Variants in SLC39A11 observed in about 807,000 individuals in gnomAD.
SLC39A11 encodes the protein solute carrier family 39 member 11.
A neutral mutation model predicts 36.1 loss-of-function variants in SLC39A11; 33 were observed. The ratio of observed to expected loss-of-function variants is 0.91; its 90% CI spans 0.69 to 1.22. The LOEUF is 1.22. Ranked by LOEUF, SLC39A11 falls within the 50% of genes most tolerant of loss-of-function variation. The pLI, the probability that SLC39A11 is intolerant of heterozygous loss-of-function variation, is 0.00. For synonymous variants in SLC39A11, 166 were observed against 170.3 expected, an observed-to-expected ratio of 0.97 and a Z score of 0.20; for missense variants, 432 against 430.3, an observed-to-expected ratio of 1.00 and a Z score of -0.03.
intron 3 of SLC39A11, among the ~76,000 whole-genome samples, chr17:73,054,594 G>A (rs2059609588): frequency 6.6e-6 from 1 of 151,924 alleles, no homozygotes; most frequent in East Asian, 1.9e-4. Context: ...GATCACTTGA[G>A]GTCAGGAGTT....
intron 7 of SLC39A11, among the ~76,000 whole-genome samples, chr17:72,731,216 T>C (rs11077629): frequency 0.34 from 52,426 of 152,170 alleles, 9,433 homozygotes; most frequent in Non-Finnish European, 0.38. Context: ...CTTGGCACTT[T>C]GAAGACAGCA....
At chr17:72,989,339 T>G (rs1185117731) in intron 4 of SLC39A11, among the ~76,000 whole-genome samples, 1 of 152,244 alleles carries the variant, frequency 6.6e-6, no homozygotes, top group Admixed American at 6.5e-5. Flanking sequence ...TGTTTGATCC[T>G]TTTATTTGCA....
intron 4 of SLC39A11, among the ~76,000 whole-genome samples, chr17:72,986,273 C>T (rs1230899257): frequency 6.6e-6 from 1 of 152,190 alleles, no homozygotes; most frequent in Non-Finnish European, 1.5e-5. Context: ...AGCCAGGACA[C>T]CCTAGTCACA....
At chr17:72,718,688 G>A (rs2073516798) in intron 7 of SLC39A11, among the ~76,000 whole-genome samples, 2 of 152,328 alleles carry the variant, frequency 1.3e-5, no homozygotes, top group Admixed American at 6.5e-5. Context: ...GGGACAGAAA[G>A]TACAATGGCA....
chr17:72,867,738 G>A (rs2080373529), intron 5 of SLC39A11, among the ~76,000 whole-genome samples: 1 of 150,004 alleles, frequency 6.7e-6, no homozygotes, highest in South Asian at 2.1e-4. Context: ...ACAGCCCCTG[G>A]TGTGTTGAAT....
At chr17:72,723,695 C>T (rs917111922) in intron 7 of SLC39A11, among the ~76,000 whole-genome samples, 6 of 152,126 alleles carry the variant, frequency 3.9e-5, no homozygotes, top group Non-Finnish European at 4.4e-5. Context: ...GAAAGTGGGT[C>T]GTAAAAGTCT....
chr17:72,897,846 A>G (rs1185996485), intron 5 of SLC39A11, among the ~76,000 whole-genome samples: 1 of 152,164 alleles, frequency 6.6e-6, no homozygotes, highest in African/African-American at 2.4e-5. Context: ...GTTGGGAGTC[A>G]GTGGTATACT....
chr17:72,711,439 A>C (rs1432779434), intron 7 of SLC39A11, among the ~76,000 whole-genome samples: 2 of 152,222 alleles, frequency 1.3e-5, no homozygotes, highest in East Asian at 1.9e-4. Context: ...CTGTGGACCA[A>C]GGGGCTAGAG....
chr17:72,775,177 C>T (rs2076091811), intron 6 of SLC39A11, among the ~76,000 whole-genome samples: 2 of 152,222 alleles, frequency 1.3e-5, no homozygotes, highest in South Asian at 4.2e-4. Flanking sequence ...GCTAACGTAT[C>T]ACCTTCTTCT....
chr17:73,070,226 T>G (rs1176582148), intron 3 of SLC39A11, among the ~76,000 whole-genome samples: 1 of 152,034 alleles, frequency 6.6e-6, no homozygotes, highest in Non-Finnish European at 1.5e-5. Context: ...CTGACCAGTA[T>G]CCCATGACCG....
At chr17:73,074,449 C>G (rs779371914) in intron 3 of SLC39A11, among the ~76,000 whole-genome samples, 3 of 152,070 alleles carry the variant, frequency 2.0e-5, no homozygotes, top group African/African-American at 7.2e-5. Context: ...ATGCGCCCAC[C>G]ACCACGCCCG....
chr17:72,689,837 T>C (rs144738148), intron 7 of SLC39A11, among the ~76,000 whole-genome samples: 145 of 152,186 alleles, frequency 9.5e-4, no homozygotes, highest in African/African-American at 3.3e-3. Flanking sequence ...GACTTTTCTT[T>C]TGGGGTGATG....
intron 5 of SLC39A11, among the ~76,000 whole-genome samples, chr17:72,938,164 C>A (rs769297702): frequency 6.6e-6 from 1 of 152,110 alleles, no homozygotes; most frequent in Non-Finnish European, 1.5e-5. Context: ...GGAAAATACA[C>A]CAGAGAGAAG....
At chr17:72,729,458 T>TATATATATATATA (rs375208239) in intron 7 of SLC39A11, among the ~76,000 whole-genome samples, 1 of 6,946 alleles carries the variant, frequency 1.4e-4, no homozygotes, top group Non-Finnish European at 2.7e-4. Flanking sequence ...TATATATATA[T>TATATATATATATA]TTTTTTTTTT....
At chr17:72,879,075 G>A (rs769379681) in intron 5 of SLC39A11, among the ~76,000 whole-genome samples, 1 of 152,232 alleles carries the variant, frequency 6.6e-6, no homozygotes, top group East Asian at 1.9e-4. Context: ...TGCATAGGGA[G>A]GTTATATAGG....
chr17:73,031,655 G>C lies in SLC39A11; in HGVS notation c.207C>G (p.Ser69=). Residue 69 remains serine (S), a synonymous_variant, in exon 4 of 10, where the codon TCC becomes TCG. Transcript: ENST00000255559. ...LLAPAVEMAT[S]SGGFGAFAFF... is the part of the protein sequence containing the mutation. ...AGGCAAAGGCACCGAAGCCCCCAGA[G>C]GACGTGGCCATCTCAACTGCTGGGG... 1 of 1,614,170 alleles carries C rather than the reference G, an allele frequency of 6.2e-7. No individual in the cohort carries two copies. Among genetic ancestry groups the C allele is most frequent in the African/African-American group, 1.3e-5 (1 of 75,044 alleles).
chr17:72,718,586 C>G (rs1464803251), intron 7 of SLC39A11, among the ~76,000 whole-genome samples: 2 of 152,196 alleles, frequency 1.3e-5, no homozygotes, highest in African/African-American at 4.8e-5. Context: ...GGGTCACAGC[C>G]AGGCACGTCA....
intron 5 of SLC39A11, among the ~76,000 whole-genome samples, chr17:72,943,529 C>T (rs533148484): frequency 6.6e-6 from 1 of 152,252 alleles, no homozygotes; most frequent in East Asian, 1.9e-4. Flanking sequence ...TGTTTCTTAC[C>T]TGAGTGTCGT....
At chr17:72,956,268 T>C (rs1251917874) in intron 4 of SLC39A11, among the ~76,000 whole-genome samples, 2 of 152,152 alleles carry the variant, frequency 1.3e-5, no homozygotes, top group Non-Finnish European at 2.9e-5. Flanking sequence ...GACAAAACCT[T>C]TTCCTAGTCC....
Sources: allele counts gnomAD v4.1 joint callset (sites outside exome capture counted in the v4.1 genomes callset), GRCh38; gene constraint gnomAD v4.1.1; transcripts MANE v1.5; gene names NCBI Gene and HGNC (gene_info 2026-07-23, HGNC 2026-07-21).